NCOR2: variants seen among roughly 807,000 people sequenced by gnomAD.
The protein encoded by NCOR2 is CTG repeat protein 26.
A neutral mutation model predicts 262.9 loss-of-function variants in NCOR2; 81 were observed. That is an observed-to-expected ratio of 0.31 (90% CI 0.26 to 0.37). The LOEUF is 0.37. Ranked by LOEUF, NCOR2 falls within the 10% of genes least tolerant of loss-of-function variation. The pLI is 1.00. For synonymous variants in NCOR2, 1,659 were observed against 1,559.3 expected (o/e 1.06, Z -1.51); for missense variants, 3,385 against 3,621.4 (o/e 0.93, Z 1.68).
chr12:124,527,428 T>A (rs1057459960), intron 1 of NCOR2, among the ~76,000 whole-genome samples: 26 of 152,262 alleles, frequency 1.7e-4, no homozygotes, highest in Admixed American at 3.9e-4. Context: ...TTATTTATTT[T>A]TTTTTTTGAG....
chr12:124,465,901 C>A (rs1211851847), intron 5 of NCOR2, among the ~76,000 whole-genome samples: 6 of 152,210 alleles, frequency 3.9e-5, no homozygotes, highest in Non-Finnish European at 8.8e-5. Context: ...TCTCCTGGAG[C>A]CCAAAACCTC....
At position 124,344,753 on chromosome 12, in the gene NCOR2, C is replaced by T. The variant is rs770202149; in HGVS notation, c.4558G>A (p.Gly1520Ser). The T allele has an allele frequency of 8.6e-5, 133 of 1,548,106 alleles. No individual in the cohort carries two copies. Among genetic ancestry groups the T allele is most frequent in the Admixed American group, 1.6e-4 (8 of 51,132 alleles). Residue 1520 changes from glycine (G) to serine (S), a missense_variant, in exon 32 of 47, where the codon GGC becomes AGC. Gly to Ser is a moderately conservative substitution (Grantham distance 56). Coordinates refer to ENST00000405201, the Ensembl canonical transcript of NCOR2. ...ACCGGGGCGCCGCGCGCAATGGAGC[C>T]CCCCGAGCTGCTGGCGGTCCCTGGC...
chr12:124,327,470 C>T (rs201534804), exon 45 of NCOR2: 12 of 1,613,314 alleles, frequency 7.4e-6, no homozygotes, highest in Non-Finnish European at 8.5e-7. Flanking sequence ...TAGCAGCGGG[C>T]AGGCTGGCAC....
At position 124,417,042 on chromosome 12, in the gene NCOR2, T is replaced by G. The variant is rs1192292782; in HGVS notation, c.1482+2915A>C. ...CCAGAGCAAGCCGGACACTCACTCC[T>G]GAGAGCAAGCCGGACACTCACTCCA... On this transcript the variant is annotated intron_variant, in intron 13 of 46. Coordinates refer to ENST00000405201, the Ensembl canonical transcript of NCOR2. Among the ~76,000 whole-genome samples the G allele has an allele frequency of 4.6e-3, 313 of 68,742 alleles. 7 individuals carry two copies. In the East Asian group the frequency reaches 0.086, roughly 19 times the overall value. The allele number at this position is 68,742 out of a possible 152,430, so 45.1% of individuals were successfully genotyped here.
At chr12:124,485,568 G>A (rs530437326) in intron 2 of NCOR2, among the ~76,000 whole-genome samples, 23 of 152,330 alleles carry the variant, frequency 1.5e-4, no homozygotes, top group African/African-American at 4.6e-4. Context: ...GGCACGTTGC[G>A]ACGGCAGGCC....
intron 1 of NCOR2, among the ~76,000 whole-genome samples, chr12:124,506,684 G>A (rs2049058609): frequency 6.6e-6 from 1 of 152,126 alleles, no homozygotes; most frequent in Non-Finnish European, 1.5e-5. Context: ...CCCCAGGAGG[G>A]ACGTGTTTTC....
intron 19 of NCOR2, among the ~76,000 whole-genome samples, chr12:124,372,815 C>T (rs935477458): frequency 1.3e-5 from 2 of 152,146 alleles, no homozygotes; most frequent in African/African-American, 2.4e-5. Context: ...CTGCTGCCCT[C>T]GCCTGGCCGC....
intron 8 of NCOR2, among the ~76,000 whole-genome samples, chr12:124,437,299 T>C (rs148391071): frequency 2.6e-5 from 4 of 152,238 alleles, no homozygotes; most frequent in Non-Finnish European, 4.4e-5. Flanking sequence ...CTCCGGGGAA[T>C]GGGTGATGGC....
chr12:124,432,326 T>C lies in NCOR2; in HGVS notation c.883-1539A>G, dbSNP rs1350672507. ...CTGAAGAAAACCCACAGACTTCCCC[T>C]GAGGACACGGTCACCTCCCTTCCTG... On this transcript the variant is annotated intron_variant, in intron 8 of 46. Coordinates refer to ENST00000405201, the Ensembl canonical transcript of NCOR2. This position sits in a 1 kb window ranked among gnomAD's most constrained non-coding sequence, Gnocchi z 5.1. Among the ~76,000 whole-genome samples the C allele has an allele frequency of 1.3e-5, 2 of 152,180 alleles. No homozygotes were observed. The highest frequency in any genetic ancestry group is 2.4e-5 in the African/African-American group (1 of 41,436).
chr12:124,465,918 G>C (rs915011676), intron 5 of NCOR2, among the ~76,000 whole-genome samples: 1 of 152,198 alleles, frequency 6.6e-6, no homozygotes, highest in East Asian at 1.9e-4. Flanking sequence ...CCTCTGTTTT[G>C]TGTTGCATCC....
intron 3 of NCOR2, among the ~76,000 whole-genome samples, chr12:124,479,375 A>G (rs1303836792): frequency 3.4e-5 from 5 of 146,992 alleles, no homozygotes; most frequent in Admixed American, 1.3e-4. Flanking sequence ...ACACTCACGC[A>G]CACACACAAA....
At position 124,552,855 on chromosome 12, in the gene NCOR2, A is replaced by ATGTTT. The variant is rs147398282; in HGVS notation, c.-165+14448_-165+14452dup. ...AGGTACCATGCCCAGCTAGTTTTCT[A>ATGTTT]TGTTTTTTATAGAGACAGGGGGTCC... On this transcript the variant is annotated intron_variant, in intron 1 of 32. Coordinates refer to the NCOR2 transcript ENST00000458234. Among the ~76,000 whole-genome samples, 2,128 of 152,040 alleles carry ATGTTT rather than the reference A, an allele frequency of 0.014. 131 individuals carry two copies. In the East Asian group the frequency reaches 0.18, roughly 13 times the overall value.
chr12:124,407,040 C>T (rs567628177), intron 13 of NCOR2, among the ~76,000 whole-genome samples: 6 of 152,322 alleles, frequency 3.9e-5, no homozygotes, highest in African/African-American at 1.4e-4. Context: ...TCCAAGGTCA[C>T]ACAGCATTTC....
intron 32 of NCOR2, among the ~76,000 whole-genome samples, 198 bp downstream of exon 34, chr12:124,344,399 G>C (rs892118163): frequency 1.3e-5 from 2 of 152,206 alleles, no homozygotes; most frequent in Non-Finnish European, 2.9e-5. Context: ...GAGACACCAC[G>C]GTGGTCTGGG....
intron 12 of NCOR2, among the ~76,000 whole-genome samples, chr12:124,421,232 G>A (rs1403265306): frequency 6.6e-6 from 1 of 152,234 alleles, no homozygotes; most frequent in Non-Finnish European, 1.5e-5. Context: ...TCCTGCTCCA[G>A]ACCCCTCTGG....
chr12:124,541,937 G>C (rs1316069290), intron 1 of NCOR2, among the ~76,000 whole-genome samples: 1 of 146,020 alleles, frequency 6.8e-6, no homozygotes, highest in Non-Finnish European at 1.5e-5. Flanking sequence ...GGGGAGTGGA[G>C]AGCTGGAAGG....
intron 2 of NCOR2, among the ~76,000 whole-genome samples, chr12:124,485,735 C>T (rs78029188): frequency 1.3e-3 from 202 of 152,352 alleles, no homozygotes; most frequent in Non-Finnish European, 2.5e-3. Context: ...GACTTCTAGT[C>T]CTGGCTGAGT....
intron 8 of NCOR2, among the ~76,000 whole-genome samples, chr12:124,434,055 A>G (rs2044190296): frequency 6.6e-6 from 1 of 152,090 alleles, no homozygotes; most frequent in South Asian, 2.1e-4. Flanking sequence ...CTCTCAGCCA[A>G]CTGGGCCTCC....
intron 20 of NCOR2, among the ~76,000 whole-genome samples, chr12:124,365,535 C>T (rs1017393503): frequency 1.3e-5 from 2 of 152,224 alleles, no homozygotes; most frequent in African/African-American, 2.4e-5. Context: ...GGCATGTGAC[C>T]GGCCTGTTCT....
Sources: gnomAD v4.1 joint callset for allele counts (sites outside exome capture counted in the v4.1 genomes callset) on GRCh38, gnomAD v4.1.1 for gene constraint, Gnocchi (gnomAD v3.1) non-coding constraint, MANE v1.5 for transcripts, NCBI Gene and HGNC (gene_info 2026-07-23, HGNC 2026-07-21) for gene names.